The following RIC8A variants were observed in gnomAD, a reference collection of about 807,000 sequenced individuals.
RIC8A encodes the protein chaperone Ric-8A.
In RIC8A, 37 loss-of-function variants were observed where a neutral mutation model predicts 48.4. The ratio of observed to expected loss-of-function variants is 0.77; its 90% CI spans 0.59 to 1.01. The LOEUF (loss-of-function observed/expected upper bound fraction) is 1.01, where lower values mean the gene tolerates loss of function less well. Among genes scored for constraint, RIC8A ranks in the 50% least tolerant of loss-of-function variants. The pLI is 0.00. For missense variants in RIC8A, 681 were observed against 696.8 expected (o/e 0.98, Z 0.25); for synonymous variants, 288 against 283.4 (o/e 1.02, Z -0.16).
chr11:210,257 G>T (rs1590074648), intron 3 of RIC8A: 1 of 668,150 alleles, frequency 1.5e-6, no homozygotes, highest in East Asian at 2.7e-5. Context: ...GACTGTAAGA[G>T]ATCCTCCACC....
rs1414382137 is a variant in RIC8A, at chr11:211,557, C to T, written c.969+208C>T. 1.5e-5 allele frequency: 8 copies of T among 536,820 alleles called. No homozygotes were observed. The highest frequency in any genetic ancestry group is 2.3e-5 in the Non-Finnish European group (7 of 306,056). The allele number at this position is 536,820 out of a possible 1,614,324, so 33.3% of individuals were successfully genotyped here. A position where few individuals can be genotyped will look rare whatever the true frequency, so the allele number is the denominator to read the frequency against. On this transcript the variant is annotated intron_variant, in intron 5 of 9. Transcript: ENST00000526104. This position sits in a 1 kb window ranked among gnomAD's most constrained non-coding sequence, Gnocchi z 4.0. ...ATGAGAAGCATGTGGACACCTTCCA[C>T]ACACTTGAAGGTTTCACTTCTTAAA...
At position 214,929 on chromosome 11, in the gene RIC8A, A is replaced by C. The variant is rs544868103; in HGVS notation, c.*579A>C. 5.2e-6 allele frequency: 1 copy of C among 192,670 alleles called. No homozygotes were observed. The highest frequency in any genetic ancestry group is 8.7e-5 in the South Asian group (1 of 11,548). The allele number at this position is 192,670 out of a possible 1,614,324, so 11.9% of individuals were successfully genotyped here. A position where few individuals can be genotyped will look rare whatever the true frequency, so the allele number is the denominator to read the frequency against. On this transcript the variant is annotated 3_prime_UTR_variant, in exon 10 of 10. Coordinates refer to ENST00000526104, the MANE Select transcript of RIC8A (RefSeq NM_001286134.2). Reference sequence around the variant, plus strand: ...CTCCTTGGTCCTCGTTCAGCTGCCCACTGTAGTATCCACAGTGCCCGAGTT... The same window carrying C: ...CTCCTTGGTCCTCGTTCAGCTGCCCCCTGTAGTATCCACAGTGCCCGAGTT...
chr11:209,822 T>A lies in RIC8A; in HGVS notation c.548T>A (p.Phe183Tyr), dbSNP rs1176075187. ...ALRTDVRQQLFQELKGVRLLT... is the reference protein window; with the variant it reads ...ALRTDVRQQLYQELKGVRLLT... ...CGCACCGATGTGCGCCAGCAGCTGT[T>A]TCAGGAGCTGAAAGGAGTGCGCCTG... The change falls in exon 3 of 10, where the codon TTT becomes TAT. Residue 183 changes from phenylalanine to tyrosine, a missense_variant. Coordinates refer to ENST00000526104, the MANE Select transcript of RIC8A (RefSeq NM_001286134.2). The A allele has an allele frequency of 6.2e-7, 1 of 1,613,894 alleles. No individual in the cohort carries two copies. Among genetic ancestry groups the A allele is most frequent in the Admixed American group, 1.7e-5 (1 of 60,010 alleles).
At chr11:213,730 G>GT (rs1442978529) in intron 9 of RIC8A, 1 of 276,396 alleles carries the variant, frequency 3.6e-6, no homozygotes, top group Non-Finnish European at 7.0e-6. Flanking sequence ...AGATCACAAG[G>GT]TCAGGAGATC....
At chr11:210,046 A>G (rs756447587) in intron 3 of RIC8A, 46 bp downstream of exon 3, 16 of 1,478,412 alleles carry the variant, frequency 1.1e-5, no homozygotes, top group East Asian at 2.3e-5. Flanking sequence ...CTCAGCTCCA[A>G]CATTTCCTGG....
At position 214,406 on chromosome 11, in the gene RIC8A, T is replaced by C. The variant is rs1473495694; in HGVS notation, c.*56T>C. On this transcript the variant is annotated 3_prime_UTR_variant, in exon 10 of 10. Transcript: ENST00000526104. ...ACTGGTGCTGCTTCCAGAGACTTCC[T>C]TGGGGTTGCAACCTGGGGAAGCCAC... The C allele has an allele frequency of 3.9e-6, 6 of 1,552,532 alleles. No homozygotes were observed. In the African/African-American group the frequency reaches 6.8e-5, roughly 18 times the overall value.
At chr11:213,509 G>A (rs1030251488) in intron 9 of RIC8A, 91 bp downstream of exon 9, 62 of 1,504,426 alleles carry the variant, frequency 4.1e-5, no homozygotes, top group Non-Finnish European at 5.1e-5. Flanking sequence ...TAGGATCAGA[G>A]GAGAGCTTAG....
chr11:210,998 C>A, intron 4 of RIC8A: 1 of 616,754 alleles, frequency 1.6e-6, no homozygotes. Flanking sequence ...CTCAGTGCCC[C>A]CACTTCCCCA....
In RIC8A at chr11:212,732, T is replaced by A. The variant is rs1016063346; in HGVS notation, c.1183T>A (p.Phe395Ile). The A allele has an allele frequency of 8.7e-6, 14 of 1,613,962 alleles. No homozygotes were observed. Among genetic ancestry groups the A allele is most frequent in the Non-Finnish European group, 1.2e-5 (14 of 1,180,004 alleles). ...AGATGTGAAGAGGGTGGCTGCCGAGTTCTTGTTTGTCCTGTGCTCTGAGAG... is the reference window on the plus strand; with the variant it reads ...AGATGTGAAGAGGGTGGCTGCCGAGATCTTGTTTGTCCTGTGCTCTGAGAG... Reference protein sequence around the residue: ...DTDVKRVAAEFLFVLCSESVP... With the variant: ...DTDVKRVAAEILFVLCSESVP... The change falls in exon 7 of 10, where the codon TTC (phenylalanine) becomes ATC (isoleucine). Residue 395 changes from phenylalanine (F) to isoleucine (I), a missense_variant. Transcript: ENST00000526104.
At chr11:212,322 T>C in intron 5 of RIC8A, 94 bp from the exon 6 acceptor site, 1 of 1,211,136 alleles carries the variant, frequency 8.3e-7, no homozygotes, top group Non-Finnish European at 1.2e-6. Context: ...AGCTGTTGTG[T>C]ATGTTGGTGG....
In RIC8A at chr11:209,903, C is replaced by T. The variant is rs1416465395; in HGVS notation, c.629C>T (p.Pro210Leu). Residue 210 changes from proline (P) to leucine (L), a missense_variant, in exon 3 of 10, where the codon CCC becomes CTC. Pro to Leu is a moderately conservative substitution (Grantham distance 98). Coordinates refer to ENST00000526104, the MANE Select transcript of RIC8A (RefSeq NM_001286134.2). ...GTGACTCCTGAAGGGAACCCCCCACCCACGCTCCTTCCTTCCCAAGAGACT... is the reference window on the plus strand; with the variant it reads ...GTGACTCCTGAAGGGAACCCCCCACTCACGCTCCTTCCTTCCCAAGAGACT... ...LGVTPEGNPP[P>L]TLLPSQETER... is the part of the protein sequence containing the mutation. The T allele has an allele frequency of 6.2e-6, 10 of 1,609,104 alleles. No individual in the cohort carries two copies. Among genetic ancestry groups the T allele is most frequent in the African/African-American group, 1.3e-5 (1 of 74,936 alleles).
In RIC8A at chr11:213,332, G is replaced by A. The variant is rs1564800665; in HGVS notation, c.1389G>A (p.Lys463=). 1 of 1,613,934 alleles carries A rather than the reference G, an allele frequency of 6.2e-7. No individual in the cohort carries two copies. Among genetic ancestry groups the A allele is most frequent in the Middle Eastern group, 1.6e-4 (1 of 6,062 alleles). The part of the protein sequence containing the change: ...INPVTGRVEE[K]PPNPMEGMTE... Reference sequence around the variant, plus strand: ...CTGTGACCGGGAGGGTGGAGGAGAAGCCGCCTAACCCTATGGAGGGCATGA... The same window carrying A: ...CTGTGACCGGGAGGGTGGAGGAGAAACCGCCTAACCCTATGGAGGGCATGA... The change falls in exon 9 of 10, where the codon AAG becomes AAA. Residue 463 remains lysine, a synonymous_variant. Coordinates refer to ENST00000526104, the MANE Select transcript of RIC8A (RefSeq NM_001286134.2).
In RIC8A at chr11:214,479, C is replaced by A; in HGVS notation, c.*129C>A. On this transcript the variant is annotated 3_prime_UTR_variant, in exon 10 of 10. Coordinates refer to ENST00000526104, the MANE Select transcript of RIC8A (RefSeq NM_001286134.2). ...CCCCACTTCTCCATCTTAGAAACCC[C>A]TTCTCTTGACTCCCGTTCTGTTCAT... 3 of 1,091,604 alleles carry A rather than the reference C, an allele frequency of 2.7e-6. No homozygotes were observed. The highest frequency in any genetic ancestry group is 4.1e-6 in the Non-Finnish European group (3 of 738,014). 67.6% of individuals were successfully genotyped at this position (1,091,604 alleles called of 1,614,324 possible).
At chr11:212,198 G>GT in intron 5 of RIC8A, 1 of 573,898 alleles carries the variant, frequency 1.7e-6, no homozygotes, top group Non-Finnish European at 3.1e-6. Flanking sequence ...GTACCTCTGA[G>GT]TTACGCTCTA....
rs535339334 is a variant in RIC8A, at chr11:209,008, G to A, written c.84+70G>A. ...GGCAGGGTCGTGCGCGGGTAGCAGG[G>A]AGGGCGTGGGTGAGGCAGAGGCTGT... is the stretch of plus-strand genomic sequence containing the variant. On this transcript the variant is annotated intron_variant, in intron 1 of 9. Transcript: ENST00000526104. 1.6e-5 allele frequency: 21 copies of A among 1,350,352 alleles called. 1 individual carries two copies. In the African/African-American group the frequency reaches 3.0e-4, roughly 19 times the overall value. 83.6% of individuals were successfully genotyped at this position (1,350,352 alleles called of 1,614,324 possible).
At position 214,428 on chromosome 11, in the gene RIC8A, C is replaced by A; in HGVS notation, c.*78C>A. 6.6e-7 allele frequency: 1 copy of A among 1,523,318 alleles called. No homozygotes were observed. Among genetic ancestry groups the A allele is most frequent in the Non-Finnish European group, 8.9e-7 (1 of 1,123,694 alleles). 94.4% of individuals were successfully genotyped at this position (1,523,318 alleles called of 1,614,324 possible). On this transcript the variant is annotated 3_prime_UTR_variant, in exon 10 of 10. Transcript: ENST00000526104. ...TCCTTGGGGTTGCAACCTGGGGAAGCCACATCCCACTGGATCCACACCCGC... is the reference window on the plus strand; with the variant it reads ...TCCTTGGGGTTGCAACCTGGGGAAGACACATCCCACTGGATCCACACCCGC...
rs776029503 is a variant in RIC8A at position 210,030 on chromosome 11, TC to T, written c.726+31del. ...GCACTGACCTTAACCCATGGATGGG[TC>T]TCAACTCAGCTCCAACATTTCCTGG... On this transcript the variant is annotated intron_variant, in intron 3 of 9. Transcript: ENST00000526104. The T allele has an allele frequency of 2.0e-5, 31 of 1,527,552 alleles. No homozygotes were observed. In the African/African-American group the frequency reaches 3.8e-4, roughly 19 times the overall value. 94.6% of individuals were successfully genotyped at this position (1,527,552 alleles called of 1,614,324 possible).
Position 209,801 on chromosome 11 carries a change from C to G in RIC8A, c.527C>G (p.Thr176Ser). The change falls in exon 3 of 10, where the codon ACC (threonine) becomes AGC (serine). Residue 176 changes from threonine to serine, a missense_variant. Thr to Ser is a moderately conservative substitution (Grantham distance 58, BLOSUM62 1). Coordinates refer to ENST00000526104, the MANE Select transcript of RIC8A (RefSeq NM_001286134.2). The part of the protein sequence containing the change: ...RLLFLLTALR[T>S]DVRQQLFQEL... ...CTCTTCCTGCTAACGGCACTCCGCA[C>G]CGATGTGCGCCAGCAGCTGTTTCAG... is the stretch of plus-strand genomic sequence containing the variant. 1 of 1,614,028 alleles carries G rather than the reference C, an allele frequency of 6.2e-7. No homozygotes were observed. Among genetic ancestry groups the G allele is most frequent in the Non-Finnish European group, 8.5e-7 (1 of 1,180,044 alleles).
At chr11:214,174 C>T (rs764239399) in intron 9 of RIC8A, 56 bp from the exon 10 acceptor site, 1 of 1,584,556 alleles carries the variant, frequency 6.3e-7, no homozygotes, top group Admixed American at 1.8e-5. Flanking sequence ...GTGAGTAGGA[C>T]CCCTGCCTGG....
Sources: gnomAD v4.1 joint callset for allele counts on GRCh38, gnomAD v4.1.1 for gene constraint, Gnocchi (gnomAD v3.1) non-coding constraint, MANE v1.5 for transcripts, NCBI Gene and HGNC (gene_info 2026-07-23, HGNC 2026-07-21) for gene names.